Variants in SPOCK3 observed in about 807,000 individuals in gnomAD.
SPOCK3 encodes the protein SPARC (osteonectin), cwcv and kazal like domains proteoglycan 3.
SPOCK3 carries 30 observed loss-of-function variants against 56.6 expected under a neutral mutation model. The observed-to-expected ratio is 0.53, with a 90% CI of 0.40 to 0.72. The LOEUF is 0.72. Among genes scored for constraint, SPOCK3 ranks in the 30% least tolerant of loss-of-function variants. The probability of loss-of-function intolerance (pLI) is 0.00; values close to 1 mark genes in which losing one functional copy is unlikely to be tolerated. For missense variants in SPOCK3, 527 were observed against 530.0 expected (o/e 0.99, Z 0.06); for synonymous variants, 196 against 183.3 (o/e 1.07, Z -0.56).
intron 9 of SPOCK3, among the ~76,000 whole-genome samples, chr4:166,740,960 C>T (rs540609876): frequency 6.6e-6 from 1 of 152,092 alleles, no homozygotes; most frequent in Non-Finnish European, 1.5e-5. Context: ...AAACATTAAA[C>T]TTTTAATTTT....
intron 4 of SPOCK3, among the ~76,000 whole-genome samples, chr4:166,967,606 G>C (rs1262100588): frequency 6.6e-6 from 1 of 152,128 alleles, no homozygotes; most frequent in Non-Finnish European, 1.5e-5. Context: ...AGTTTCCTGA[G>C]GCCTCCCCAG....
At chr4:166,994,310 T>A (rs1748124054) in intron 4 of SPOCK3, among the ~76,000 whole-genome samples, 1 of 152,184 alleles carries the variant, frequency 6.6e-6, no homozygotes, top group African/African-American at 2.4e-5. Flanking sequence ...GAAAGTACCA[T>A]TTGTATGATA....
intron 2 of SPOCK3, among the ~76,000 whole-genome samples, chr4:167,103,329 G>C (rs1417966290): frequency 6.6e-6 from 1 of 152,090 alleles, no homozygotes; most frequent in Non-Finnish European, 1.5e-5. Context: ...TTAGCTCTTG[G>C]ATGGTATTTC....
At chr4:167,173,995 T>C (rs1730738334) in intron 2 of SPOCK3, among the ~76,000 whole-genome samples, 1 of 152,132 alleles carries the variant, frequency 6.6e-6, no homozygotes, top group African/African-American at 2.4e-5. Context: ...ACATGCAACA[T>C]AATTCATTCC....
intron 3 of SPOCK3, among the ~76,000 whole-genome samples, chr4:167,056,626 C>T (rs1022617434): frequency 6.6e-6 from 1 of 152,092 alleles, no homozygotes; most frequent in African/African-American, 2.4e-5. Context: ...GGCTCGAGAA[C>T]TACGTGAAGA....
At chr4:166,739,355 C>T (rs1250470935) in intron 9 of SPOCK3, among the ~76,000 whole-genome samples, 1 of 152,104 alleles carries the variant, frequency 6.6e-6, no homozygotes, top group Non-Finnish European at 1.5e-5. Context: ...ATTCTCCTAC[C>T]TCAGCCTCCT....
Position 166,734,793 on chromosome 4 carries a change from AAAT to A in SPOCK3, c.*125_*127del. The A allele has an allele frequency of 1.2e-6, 1 of 824,222 alleles. No individual in the cohort carries two copies. The highest frequency in any genetic ancestry group is 1.8e-6 in the Non-Finnish European group (1 of 554,418). The allele number at this position is 824,222 out of a possible 1,614,324, so 51.1% of individuals were successfully genotyped here. A position where few individuals can be genotyped will look rare whatever the true frequency, so the allele number is the denominator to read the frequency against. ...TCTATAACTTTAGCTGCAATTTTTC[AAAT>A]AATTATACAAAATATATGTGAGGTT... is the stretch of plus-strand genomic sequence containing the variant. On this transcript the variant is annotated 3_prime_UTR_variant, in exon 11 of 11. Coordinates refer to ENST00000357545, the MANE Select transcript of SPOCK3 (RefSeq NM_001040159.2).
chr4:167,106,298 A>G (rs1272195851), intron 2 of SPOCK3, among the ~76,000 whole-genome samples: 1 of 151,944 alleles, frequency 6.6e-6, no homozygotes, highest in East Asian at 1.9e-4. Flanking sequence ...TCTGACCACA[A>G]TGCAATAAAA....
At chr4:167,019,672 TTAAAGG>T (rs1294353659) in intron 3 of SPOCK3, among the ~76,000 whole-genome samples, 1 of 152,062 alleles carries the variant, frequency 6.6e-6, no homozygotes, top group African/African-American at 2.4e-5. Context: ...CCTGTACACA[TTAAAGG>T]TATTTATTTA....
At chr4:167,102,868 G>A (rs769416257) in intron 2 of SPOCK3, among the ~76,000 whole-genome samples, 2 of 145,912 alleles carry the variant, frequency 1.4e-5, no homozygotes, top group Non-Finnish European at 1.5e-5. Context: ...CAGCCAGGAC[G>A]GCTAAGGAAG....
intron 2 of SPOCK3, among the ~76,000 whole-genome samples, chr4:167,155,181 TC>T (rs1214767625): frequency 6.6e-6 from 1 of 152,060 alleles, no homozygotes; most frequent in Non-Finnish European, 1.5e-5. Context: ...AGTGGTGCAA[TC>T]TTGGCTCACT....
chr4:167,223,525 T>C (rs1736279144), intron 2 of SPOCK3, among the ~76,000 whole-genome samples: 1 of 152,032 alleles, frequency 6.6e-6, no homozygotes, highest in African/African-American at 2.4e-5. Context: ...ACAAAGTCTT[T>C]AGAGCCAAAA....
chr4:167,028,105 C>A (rs543908952), intron 3 of SPOCK3, among the ~76,000 whole-genome samples: 39 of 151,848 alleles, frequency 2.6e-4, no homozygotes, highest in Admixed American at 2.3e-3. Flanking sequence ...TTTTAAAATT[C>A]TTTTTAATTG....
intron 4 of SPOCK3, among the ~76,000 whole-genome samples, chr4:166,952,698 A>G (rs1397077559): frequency 6.6e-6 from 1 of 152,242 alleles, no homozygotes; most frequent in Non-Finnish European, 1.5e-5. Flanking sequence ...ACAAGGCTAC[A>G]GTAACCAAAA....
At chr4:166,840,607 G>C (rs1006447339) in intron 6 of SPOCK3, among the ~76,000 whole-genome samples, 1 of 151,864 alleles carries the variant, frequency 6.6e-6, no homozygotes, top group Admixed American at 6.6e-5. Context: ...AAATAAACCA[G>C]GGAACTCACC....
chr4:167,079,633 C>T lies in SPOCK3; in HGVS notation c.190-17096G>A, dbSNP rs540218750. The stretch of plus-strand genomic sequence containing the variant: ...AGAAAAAAAAATCAAATGTAATGGT[C>T]AACTTCTCTGTGAATGTGTGATTAA... On this transcript the variant is annotated intron_variant, in intron 2 of 10. Transcript: ENST00000357545. 1.2e-4 allele frequency among the ~76,000 whole-genome samples: 18 copies of T among 152,042 alleles called. No homozygotes were observed. The South Asian group carries it at 3.3e-3, about 28-fold the overall frequency.
At chr4:166,948,764 C>A (rs1056281424) in intron 4 of SPOCK3, among the ~76,000 whole-genome samples, 6 of 152,192 alleles carry the variant, frequency 3.9e-5, no homozygotes, top group South Asian at 2.1e-4. Context: ...TTCTCTCTGG[C>A]TGCCCTTAAC....
At chr4:166,944,132 G>C (rs1372454331) in intron 4 of SPOCK3, among the ~76,000 whole-genome samples, 1 of 152,060 alleles carries the variant, frequency 6.6e-6, no homozygotes, top group East Asian at 1.9e-4. Context: ...GGGTGACAGA[G>C]CAAGACTGTC....
At chr4:166,752,565 TATATATATACACACACACACACAC>T (rs1488474278) in intron 8 of SPOCK3, among the ~76,000 whole-genome samples, 32 of 101,302 alleles carry the variant, frequency 3.2e-4, no homozygotes, top group African/African-American at 1.0e-3. Flanking sequence ...TATATATATA[TATATATATACACACACACACACAC>T]ACACACACAC....
Sources: allele counts gnomAD v4.1 joint callset (sites outside exome capture counted in the v4.1 genomes callset), GRCh38; gene constraint gnomAD v4.1.1; transcripts MANE v1.5; gene names NCBI Gene and HGNC (gene_info 2026-07-23, HGNC 2026-07-21).